MEAK7: variants seen among roughly 807,000 people sequenced by gnomAD.
MEAK7 encodes MTOR-associated protein MEAK7.
In MEAK7, 68 loss-of-function variants were observed where a neutral mutation model predicts 40.5. The ratio of observed to expected loss-of-function variants is 1.68; its 90% CI spans 1.38 to 2.06. The LOEUF (loss-of-function observed/expected upper bound fraction) is 2.06. Ranked by LOEUF, MEAK7 falls within the 30% of genes most tolerant of loss-of-function variation. The pLI, the probability that MEAK7 is intolerant of heterozygous loss-of-function variation, is 0.00. For synonymous variants in MEAK7, 338 were observed against 231.9 expected, an observed-to-expected ratio of 1.46 and a Z score of -4.16; for missense variants, 918 against 580.5, an observed-to-expected ratio of 1.58 and a Z score of -5.98.
rs1284214557 is a variant in MEAK7 at position 84,478,315 on chromosome 16, C to G, written c.*1598G>C. 2 of 152,228 alleles carry G rather than the reference C, an allele frequency of 1.3e-5. No homozygotes were observed. The highest frequency in any genetic ancestry group is 2.9e-5 in the Non-Finnish European group (2 of 68,048). 9.4% of individuals were successfully genotyped at this position (152,228 alleles called of 1,614,324 possible). On this transcript the variant is annotated 3_prime_UTR_variant, in exon 8 of 8. Coordinates refer to ENST00000343629, the MANE Select transcript of MEAK7 (RefSeq NM_020947.4). Reference sequence around the variant, plus strand: ...CATCACGCTCCTGCCCCTCCACACACTGTCTGAGCGTGCACTTTTCTTTCG... The same window carrying G: ...CATCACGCTCCTGCCCCTCCACACAGTGTCTGAGCGTGCACTTTTCTTTCG...
chr16:84,480,630 T>G lies in MEAK7; in HGVS notation c.1156A>C (p.Thr386Pro), dbSNP rs768446060. The G allele has an allele frequency of 8.7e-6, 14 of 1,614,032 alleles. No homozygotes were observed. The highest frequency in any genetic ancestry group is 1.2e-5 in the Non-Finnish European group (14 of 1,179,966). ...FGKGHSRAKP[T>P]CTTYNSPQLS... ...TGCGGGCTGTTGTACGTGGTGCACG[T>G]GGGCTTGGCTCTGCTGTGTCCTTTC... Residue 386 changes from threonine (T) to proline (P), a missense_variant, in exon 7 of 8, where the codon ACG becomes CCG. Physicochemically the swap from Thr to Pro is conservative, Grantham distance 38. Coordinates refer to ENST00000343629, the MANE Select transcript of MEAK7 (RefSeq NM_020947.4).
chr16:84,479,478 G>GGAATTCCCTAATGTCAGCA lies in MEAK7; in HGVS notation c.*434_*435insTGCTGACATTAGGGAATTC, dbSNP rs1567482725. On this transcript the variant is annotated 3_prime_UTR_variant, in exon 8 of 8. Transcript: ENST00000343629. The stretch of plus-strand genomic sequence containing the variant: ...GCCAGCGGAATTCCCTAATGCCAGC[G>GGAATTCCCTAATGTCAGCA]GAATTCCCTAATGCCAGCGGAATTC... 7 of 123,472 alleles carry GGAATTCCCTAATGTCAGCA rather than the reference G, an allele frequency of 5.7e-5. No homozygotes were observed. The highest frequency in any genetic ancestry group is 2.5e-4 in the African/African-American group (7 of 28,334). 7.6% of individuals were successfully genotyped at this position (123,472 alleles called of 1,614,324 possible).
rs751723144 is a variant in MEAK7 at position 84,482,642 on chromosome 16, C to T, written c.1027G>A (p.Asp343Asn). The T allele has an allele frequency of 2.5e-6, 4 of 1,614,082 alleles. No homozygotes were observed. Among genetic ancestry groups the T allele is most frequent in the Admixed American group, 3.3e-5 (2 of 59,996 alleles). Reference sequence around the variant, plus strand: ...CCATGGTTCAAGTACATGTAGTGGTCGTTGTAGCCCGTGTGTGTGTACACA... The same window carrying T: ...CCATGGTTCAAGTACATGTAGTGGTTGTTGTAGCCCGTGTGTGTGTACACA... ...MAVYTHTGYN[D>N]HYMYLNHGQQ... Residue 343 changes from aspartate (D) to asparagine (N), a missense_variant, in exon 6 of 8, where the codon GAC becomes AAC. Transcript: ENST00000343629.
chr16:84,482,723 A>G lies in MEAK7; in HGVS notation c.959-13T>C, dbSNP rs1424185493. The stretch of plus-strand genomic sequence containing the variant: ...CATCTGTTGTCCCCTGAAAGTAGCC[A>G]GAGAACAAAACAAACAGGGTCGGTG... On this transcript the variant is annotated splice_polypyrimidine_tract_variant and intron_variant, in intron 5 of 7. Transcript: ENST00000343629. 1.2e-6 allele frequency: 2 copies of G among 1,613,762 alleles called. No homozygotes were observed. The highest frequency in any genetic ancestry group is 4.5e-5 in the East Asian group (2 of 44,878).
chr16:84,495,305 G>C (rs1175256456), intron 3 of MEAK7, among the ~76,000 whole-genome samples: 1 of 152,150 alleles, frequency 6.6e-6, no homozygotes, highest in East Asian at 1.9e-4. Context: ...TCCACAGGTA[G>C]TGACTATGCT....
At chr16:84,501,185 G>C (rs1292680183) in intron 1 of MEAK7, among the ~76,000 whole-genome samples, 5 of 151,154 alleles carry the variant, frequency 3.3e-5, no homozygotes, top group African/African-American at 4.9e-5. Context: ...AACAAGAAGA[G>C]TGAAGAGTGG....
chr16:84,488,391 G>C (rs1913278367), intron 4 of MEAK7: 1 of 151,474 alleles, frequency 6.6e-6, no homozygotes, highest in South Asian at 2.1e-4. Context: ...TATTTATAAA[G>C]TAAGTCTGCT....
At chr16:84,489,460 C>T in intron 3 of MEAK7, 38 bp from the exon 4 acceptor site, 1 of 1,575,736 alleles carries the variant, frequency 6.3e-7, no homozygotes. Flanking sequence ...AACAGTTCCA[C>T]CATATCCTGA....
intron 4 of MEAK7, 46 bp from the exon 5 acceptor site, chr16:84,487,105 A>G (rs1913157252): frequency 2.6e-6 from 4 of 1,557,064 alleles, no homozygotes; most frequent in Non-Finnish European, 3.5e-6. Flanking sequence ...TTATGTCACC[A>G]TTTAGCTACT....
chr16:84,495,617 C>T, intron 3 of MEAK7, 66 bp downstream of exon 3: 7 of 1,505,346 alleles, frequency 4.7e-6, no homozygotes, highest in Non-Finnish European at 6.4e-6. Flanking sequence ...TAACTGGCCT[C>T]CATCCCCCCA....
At chr16:84,498,822 G>C (rs1332613574) in intron 1 of MEAK7, among the ~76,000 whole-genome samples, 1 of 152,292 alleles carries the variant, frequency 6.6e-6, no homozygotes, top group Middle Eastern at 3.4e-3. Flanking sequence ...ACCTGTATTT[G>C]AATAAACTCA....
At chr16:84,493,142 A>G (rs1026285630) in intron 3 of MEAK7, among the ~76,000 whole-genome samples, 1 of 152,142 alleles carries the variant, frequency 6.6e-6, no homozygotes, top group African/African-American at 2.4e-5. Flanking sequence ...TGTGATTCTG[A>G]TGTGTCTTAG....
chr16:84,495,639 C>T (rs760144398), intron 3 of MEAK7, 44 bp downstream of exon 3: 27 of 1,598,604 alleles, frequency 1.7e-5, no homozygotes, highest in Non-Finnish European at 2.2e-5. Flanking sequence ...CGATGGTCAC[C>T]AAGACTGCTG....
chr16:84,504,268 A>G (rs1914718105), intron 1 of MEAK7: 1 of 574,466 alleles, frequency 1.7e-6, no homozygotes, highest in Non-Finnish European at 2.2e-6. Context: ...CCGCGTCTAC[A>G]CAGGCTCTGA....
chr16:84,480,570 T>A lies in MEAK7; in HGVS notation c.1216A>T (p.Met406Leu), dbSNP rs1017399423. 1.7e-5 allele frequency: 27 copies of A among 1,613,720 alleles called. No homozygotes were observed. Among genetic ancestry groups the A allele is most frequent in the Non-Finnish European group, 2.3e-5 (27 of 1,179,888 alleles). ...SAQENFQFDK[M>L]EVWAVGDPSE... ...GGGTCTCCAACCGCCCACACCTCCA[T>A]CTTATCAAACTGGAAGTTCTCCTGA... The change falls in exon 7 of 8, where the codon ATG becomes TTG. Residue 406 changes from methionine (M) to leucine (L), a missense_variant. Physicochemically the swap from Met to Leu is conservative, Grantham distance 15. Transcript: ENST00000343629.
At chr16:84,485,079 A>G (rs1333942203) in intron 5 of MEAK7, among the ~76,000 whole-genome samples, 1 of 152,182 alleles carries the variant, frequency 6.6e-6, no homozygotes, top group Non-Finnish European at 1.5e-5. Context: ...AGCAATGTGT[A>G]ATTTCCCCGG....
At chr16:84,494,649 T>C (rs1913895173) in intron 3 of MEAK7, 1 of 339,602 alleles carries the variant, frequency 2.9e-6, no homozygotes, top group Non-Finnish European at 5.8e-6. Flanking sequence ...TTTTTGTTTG[T>C]TGTTTTTCTC....
intron 3 of MEAK7, 70 bp downstream of exon 3, chr16:84,495,613 G>A (rs1192319712): frequency 6.9e-7 from 1 of 1,449,278 alleles, no homozygotes; most frequent in African/African-American, 1.4e-5. Context: ...CATGTAACTG[G>A]CCTCCATCCC....
In MEAK7 at chr16:84,476,356, CA is replaced by C. The variant is rs1912111618; in HGVS notation, c.*3556del. The stretch of plus-strand genomic sequence containing the variant: ...TCAACAAAATATAGTTTTTGTCTAT[CA>C]GGTTAAAAAAACATATTTTAATACA... On this transcript the variant is annotated 3_prime_UTR_variant, in exon 8 of 8. Transcript: ENST00000343629. The C allele has an allele frequency of 6.6e-6, 1 of 152,184 alleles. No individual in the cohort carries two copies. Among genetic ancestry groups the C allele is most frequent in the East Asian group, 1.9e-4 (1 of 5,182 alleles). 9.4% of individuals were successfully genotyped at this position (152,184 alleles called of 1,614,324 possible).
Sources: allele counts gnomAD v4.1 joint callset (sites outside exome capture counted in the v4.1 genomes callset), GRCh38; gene constraint gnomAD v4.1.1; transcripts MANE v1.5; gene names NCBI Gene and HGNC (gene_info 2026-07-23, HGNC 2026-07-21).